Variants in FRMPD4 observed in about 807,000 individuals in gnomAD.
The protein encoded by FRMPD4 is FERM and PDZ domain-containing protein 4.
Under a neutral mutation model 94.1 loss-of-function variants are expected in FRMPD4, and 22 were observed. That is an observed-to-expected ratio of 0.23 (90% CI 0.17 to 0.33). The LOEUF is 0.33. Ranked by LOEUF, FRMPD4 falls within the 10% of genes least tolerant of loss-of-function variation. FRMPD4 has a pLI of 1.00. For missense variants in FRMPD4, 1,111 were observed against 1,339.9 expected, an observed-to-expected ratio of 0.83 and a Z score of 2.67; for synonymous variants, 631 against 548.6, an observed-to-expected ratio of 1.15 and a Z score of -2.10.
At chrX:12,410,327 A>T (rs969029109) in intron 1 of FRMPD4, among the ~76,000 whole-genome samples, 4 of 111,507 alleles carry the variant, frequency 3.6e-5, no homozygotes, top group Non-Finnish European at 7.5e-5. Context: ...ATTTGCATAA[A>T]TCTTTTTGTG....
chrX:11,904,447 G>A (rs1380642547), intron 3 of FRMPD4, among the ~76,000 whole-genome samples: 1 of 112,392 alleles, frequency 8.9e-6, no homozygotes, highest in Non-Finnish European at 1.9e-5. Flanking sequence ...AAAGGCAGGG[G>A]ACGTTGTTAA....
chrX:12,356,713 A>G lies in FRMPD4; in HGVS notation c.42-141967A>G, dbSNP rs1601853212. On this transcript the variant is annotated intron_variant, in intron 1 of 16. Transcript: ENST00000675598. ...ACATGTAACCTTGTAAAATCTATGC[A>G]TTTTATGGGCACATGTTCCTTTAAT... Among the ~76,000 whole-genome samples, 3 of 112,247 alleles carry G rather than the reference A, an allele frequency of 2.7e-5. No individual in the cohort carries two copies. In the East Asian group the frequency reaches 8.3e-4, roughly 31 times the overall value.
In FRMPD4 at chrX:12,716,724, C is replaced by T. The variant is rs2042092970; in HGVS notation, c.2265C>T (p.Ser755=). The change falls in exon 15 of 17, where the codon AGC becomes AGT. Residue 755 remains serine (S), a synonymous_variant. Transcript: ENST00000675598. The part of the protein sequence containing the change: ...TDDAEDEDEV[S]CEEDLVVGEM... ...ACGCGGAGGACGAGGACGAGGTGAGCTGCGAGGAGGACCTCGTGGTGGGGG... is the reference window on the plus strand; with the variant it reads ...ACGCGGAGGACGAGGACGAGGTGAGTTGCGAGGAGGACCTCGTGGTGGGGG... The T allele has an allele frequency of 2.5e-6, 3 of 1,209,844 alleles. No homozygotes were observed. Among genetic ancestry groups the T allele is most frequent in the Non-Finnish European group, 3.4e-6 (3 of 894,984 alleles).
intron 1 of FRMPD4, chrX:12,395,713 T>C (rs1182007082): frequency 8.9e-6 from 1 of 112,300 alleles, no homozygotes; most frequent in African/African-American, 3.2e-5. Context: ...AAGAATACAA[T>C]TTTTTTAACT....
chrX:12,687,715 G>A (rs761596236), intron 7 of FRMPD4, among the ~76,000 whole-genome samples: 2 of 112,512 alleles, frequency 1.8e-5, no homozygotes, highest in Admixed American at 1.9e-4. Flanking sequence ...AAAGCCTCCA[G>A]ATGTCCTCTT....
In FRMPD4 at chrX:12,609,665, C is replaced by T. The variant is rs2059161858; in HGVS notation, c.159-56C>T. The T allele has an allele frequency of 3.0e-6, 3 of 986,613 alleles. No individual in the cohort carries two copies. The East Asian group carries it at 9.2e-5, about 30-fold the overall frequency. The allele number at this position is 986,613 out of a possible 1,213,427, so 81.3% of individuals were successfully genotyped here. A position where few individuals can be genotyped will look rare whatever the true frequency, so the allele number is the denominator to read the frequency against. On this transcript the variant is annotated intron_variant, in intron 2 of 16. Transcript: ENST00000675598. ...ATTAAAGAGAATATGATTGCCAGGC[C>T]AATGCCTAAGACATACATTGATGCC...
At chrX:12,094,289 C>T (rs1449265832) in intron 3 of FRMPD4, among the ~76,000 whole-genome samples, 1 of 112,381 alleles carries the variant, frequency 8.9e-6, no homozygotes, top group Non-Finnish European at 1.9e-5. Flanking sequence ...AATTAATTAA[C>T]TCAACACCCT....
At chrX:12,446,932 G>GCTGA (rs200263776) in intron 1 of FRMPD4, among the ~76,000 whole-genome samples, 1,638 of 111,581 alleles carry the variant, frequency 0.015, 43 homozygotes, top group African/African-American at 0.051. Context: ...GGGATGGAAT[G>GCTGA]CTGACTGTGG....
At chrX:12,553,442 ATATATATATATATATATATATATATC>A (rs1389988315) in intron 2 of FRMPD4, among the ~76,000 whole-genome samples, 4 of 37,959 alleles carry the variant, frequency 1.1e-4, no homozygotes, top group African/African-American at 1.7e-4. Context: ...GCCTATATAT[ATATATATATATATATATATATATATC>A]TAATCCACTA....
chrX:12,088,407 C>T (rs1415192132), intron 3 of FRMPD4, among the ~76,000 whole-genome samples: 1 of 112,018 alleles, frequency 8.9e-6, no homozygotes, highest in East Asian at 2.8e-4. Flanking sequence ...GGGATTTCAA[C>T]ATATGAACAG....
chrX:12,424,366 G>GA (rs2056922075), intron 1 of FRMPD4, among the ~76,000 whole-genome samples: 1 of 112,667 alleles, frequency 8.9e-6, no homozygotes, highest in South Asian at 3.6e-4. Context: ...GCTATTCCTT[G>GA]AATAGTAGGA....
intron 3 of FRMPD4, among the ~76,000 whole-genome samples, chrX:12,127,524 G>C (rs1262348196): frequency 3.6e-5 from 4 of 111,728 alleles, no homozygotes; most frequent in Non-Finnish European, 7.5e-5. Flanking sequence ...TCCCACCACA[G>C]GTGGGGATTA....
intron 3 of FRMPD4, among the ~76,000 whole-genome samples, chrX:11,885,563 T>C (rs1002066634): frequency 9.0e-6 from 1 of 111,635 alleles, no homozygotes; most frequent in Non-Finnish European, 1.9e-5. Context: ...CAATTAAACA[T>C]TTTTTAAATG....
rs747456374 is a variant in FRMPD4 at position 12,717,030 on chromosome X, C to T, written c.2571C>T (p.Ala857=). ...VSLIDAVPTS[A]EGKCEKGLDN... ...TCATTGACGCTGTGCCCACCAGCGC[C>T]GAAGGCAAGTGTGAGAAGGGACTGG... The change falls in exon 15 of 17, where the codon GCC becomes GCT. Residue 857 remains alanine, a synonymous_variant. Transcript: ENST00000675598. The T allele has an allele frequency of 9.9e-6, 12 of 1,209,165 alleles. No individual in the cohort carries two copies. In the Admixed American group the frequency reaches 1.5e-4, roughly 15 times the overall value.
chrX:12,199,413 T>A (rs1403665814), intron 1 of FRMPD4, among the ~76,000 whole-genome samples: 1 of 110,769 alleles, frequency 9.0e-6, no homozygotes, highest in African/African-American at 3.3e-5. Context: ...GAATAAAACA[T>A]CTCGTTTACT....
At chrX:12,066,719 A>T (rs1344518071) in intron 3 of FRMPD4, among the ~76,000 whole-genome samples, 1 of 110,104 alleles carries the variant, frequency 9.1e-6, no homozygotes, top group African/African-American at 3.3e-5. Context: ...TCTAAAAAAA[A>T]ATCTGGATGG....
chrX:12,630,282 T>C (rs1229181638), intron 4 of FRMPD4, among the ~76,000 whole-genome samples: 2 of 112,710 alleles, frequency 1.8e-5, no homozygotes. Context: ...AGGGTCTCTG[T>C]CACAACTTAA....
intron 1 of FRMPD4, among the ~76,000 whole-genome samples, chrX:12,195,025 A>T (rs1348306082): frequency 8.9e-6 from 1 of 112,491 alleles, no homozygotes; most frequent in African/African-American, 3.2e-5. Flanking sequence ...ATTCAAAGAC[A>T]TGACACTAGT....
At chrX:12,044,124 C>A (rs1008702712) in intron 3 of FRMPD4, among the ~76,000 whole-genome samples, 12 of 111,934 alleles carry the variant, frequency 1.1e-4, no homozygotes, top group East Asian at 2.8e-4. Context: ...TGTCTTAAAT[C>A]AATTTAGCAA....
Sources: allele counts gnomAD v4.1 joint callset (sites outside exome capture counted in the v4.1 genomes callset), GRCh38; gene constraint gnomAD v4.1.1; transcripts MANE v1.5; gene names NCBI Gene and HGNC (gene_info 2026-07-23, HGNC 2026-07-21).